Variants in DNM3 observed in about 807,000 individuals in gnomAD.
DNM3 encodes the protein dynamin-3.
Under a neutral mutation model 101.6 loss-of-function variants are expected in DNM3, and 47 were observed. The observed-to-expected ratio is 0.46, with a 90% CI of 0.37 to 0.59. The LOEUF is 0.59. Ranked by LOEUF, DNM3 falls within the 20% of genes least tolerant of loss-of-function variation. The probability of loss-of-function intolerance (pLI) is 0.00; values close to 1 mark genes in which losing one functional copy is unlikely to be tolerated. For missense variants in DNM3, 849 were observed against 1,085.7 expected (o/e 0.78, Z 3.06); for synonymous variants, 385 against 387.9 (o/e 0.99, Z 0.09).
At chr1:172,304,042 A>C (rs1246226888) in intron 15 of DNM3, among the ~76,000 whole-genome samples, 2 of 151,826 alleles carry the variant, frequency 1.3e-5, no homozygotes, top group African/African-American at 4.9e-5. Flanking sequence ...TTAACCTTAA[A>C]TGTAAATGGG....
intron 1 of DNM3, among the ~76,000 whole-genome samples, chr1:171,874,199 A>G (rs2125097286): frequency 6.6e-6 from 1 of 152,316 alleles, no homozygotes; most frequent in South Asian, 2.1e-4. Context: ...AATTTCTCAG[A>G]TATTAAAATG....
At chr1:171,900,917 G>A (rs996073585) in intron 1 of DNM3, among the ~76,000 whole-genome samples, 7 of 150,938 alleles carry the variant, frequency 4.6e-5, no homozygotes, top group African/African-American at 1.7e-4. Flanking sequence ...GACCATCCTG[G>A]CCAACACGGT....
At position 171,875,042 on chromosome 1, in the gene DNM3, A is replaced by G. The variant is rs182926846; in HGVS notation, c.161+33225A>G. ...GCATAGTATTCCATGGTGTGTAGCT[A>G]TCATGTTTTCTTTATCCAATTTACT... is the stretch of plus-strand genomic sequence containing the variant. On this transcript the variant is annotated intron_variant, in intron 1 of 20. Coordinates refer to ENST00000627582, the MANE Select transcript of DNM3 (RefSeq NM_015569.5). 6.6e-4 allele frequency among the ~76,000 whole-genome samples: 101 copies of G among 152,148 alleles called. No individual in the cohort carries two copies. The Middle Eastern group carries it at 0.017, about 26-fold the overall frequency.
At chr1:172,143,629 T>A (rs1160168853) in intron 14 of DNM3, among the ~76,000 whole-genome samples, 1 of 152,156 alleles carries the variant, frequency 6.6e-6, no homozygotes, top group East Asian at 1.9e-4. Context: ...CAAAGTGCCT[T>A]ATTTTAAATG....
At chr1:172,289,263 C>A (rs1229327229) in intron 15 of DNM3, among the ~76,000 whole-genome samples, 1 of 151,982 alleles carries the variant, frequency 6.6e-6, no homozygotes, top group East Asian at 1.9e-4. Flanking sequence ...CTCTCTGAAG[C>A]CAGAACTATT....
At chr1:172,226,340 C>T (rs1210938322) in intron 14 of DNM3, among the ~76,000 whole-genome samples, 3 of 152,150 alleles carry the variant, frequency 2.0e-5, no homozygotes, top group African/African-American at 7.2e-5. Context: ...AAACTGTAAA[C>T]ATAGATACTT....
At chr1:172,092,383 T>G (rs1469190040) in intron 12 of DNM3, among the ~76,000 whole-genome samples, 2 of 152,176 alleles carry the variant, frequency 1.3e-5, no homozygotes, top group Admixed American at 6.5e-5. Context: ...GTCACTTAGC[T>G]TCTCTCCTCA....
At chr1:172,269,704 T>A (rs900912867) in intron 15 of DNM3, among the ~76,000 whole-genome samples, 2 of 152,190 alleles carry the variant, frequency 1.3e-5, no homozygotes, top group Non-Finnish European at 2.9e-5. Flanking sequence ...TGGTTACTTA[T>A]GTTAAGGATG....
chr1:172,296,108 A>G (rs1254520231), intron 15 of DNM3, among the ~76,000 whole-genome samples: 2 of 152,234 alleles, frequency 1.3e-5, no homozygotes, highest in Non-Finnish European at 2.9e-5. Flanking sequence ...ATTTATGCGT[A>G]TGAGATTCAT....
intron 17 of DNM3, among the ~76,000 whole-genome samples, chr1:172,329,494 A>G (rs1270210833): frequency 1.3e-5 from 2 of 152,156 alleles, no homozygotes; most frequent in African/African-American, 4.8e-5. Flanking sequence ...TATTTGTTTA[A>G]TGGAAGTCAA....
intron 11 of DNM3, among the ~76,000 whole-genome samples, chr1:172,077,871 CGTT>C (rs1444185449): frequency 6.6e-6 from 1 of 152,094 alleles, no homozygotes; most frequent in Non-Finnish European, 1.5e-5. Context: ...CCTTCTGTCT[CGTT>C]GATCTGTCTA....
intron 2 of DNM3, among the ~76,000 whole-genome samples, chr1:171,972,352 G>A (rs1045741598): frequency 4.6e-5 from 7 of 152,170 alleles, no homozygotes; most frequent in African/African-American, 1.2e-4. Context: ...GCAAAATCAC[G>A]TAAGTAGTAC....
chr1:172,019,471 C>T (rs544642476), intron 4 of DNM3, among the ~76,000 whole-genome samples: 1 of 150,632 alleles, frequency 6.6e-6, no homozygotes, highest in East Asian at 2.0e-4. Context: ...TTTTGGGGGG[C>T]ATTTATCCCA....
At chr1:171,848,026 C>CT (rs957941466) in intron 1 of DNM3, among the ~76,000 whole-genome samples, 8 of 151,844 alleles carry the variant, frequency 5.3e-5, no homozygotes, top group African/African-American at 1.9e-4. Context: ...TTGATTTTCT[C>CT]TAACTTCCTG....
intron 1 of DNM3, among the ~76,000 whole-genome samples, chr1:171,920,917 C>T (rs1361413945): frequency 6.6e-6 from 1 of 152,086 alleles, no homozygotes; most frequent in South Asian, 2.1e-4. Flanking sequence ...TCTACTTGAT[C>T]CCACATTTTA....
chr1:172,182,816 A>T (rs1369663592), intron 14 of DNM3, among the ~76,000 whole-genome samples: 1 of 152,144 alleles, frequency 6.6e-6, no homozygotes, highest in Non-Finnish European at 1.5e-5. Context: ...CCATTGCAGG[A>T]AGGCTTAAGG....
intron 2 of DNM3, among the ~76,000 whole-genome samples, chr1:171,953,101 G>A (rs1348705076): frequency 1.3e-5 from 2 of 152,108 alleles, no homozygotes; most frequent in Non-Finnish European, 2.9e-5. Flanking sequence ...AATAAAAATT[G>A]CCATATAAGA....
In DNM3 at chr1:172,285,863, A is replaced by G. The variant is rs563586012; in HGVS notation, c.1770-22865A>G. Among the ~76,000 whole-genome samples the G allele has an allele frequency of 1.2e-4, 18 of 152,072 alleles. No homozygotes were observed. The East Asian group carries it at 1.5e-3, about 13-fold the overall frequency. On this transcript the variant is annotated intron_variant, in intron 15 of 20. Coordinates refer to ENST00000627582, the MANE Select transcript of DNM3 (RefSeq NM_015569.5). ...TGATAAACTAACACAGACAGCCCCAACGCAGTCCCAGGCTCTTAGAGCTCG... is the reference window on the plus strand; with the variant it reads ...TGATAAACTAACACAGACAGCCCCAGCGCAGTCCCAGGCTCTTAGAGCTCG...
At chr1:172,357,150 A>T (rs1234106229) in intron 17 of DNM3, among the ~76,000 whole-genome samples, 1 of 152,124 alleles carries the variant, frequency 6.6e-6, no homozygotes, top group Admixed American at 6.6e-5. Context: ...ATCAAAATTT[A>T]AAAATCACCA....
Sources: allele counts gnomAD v4.1 joint callset (sites outside exome capture counted in the v4.1 genomes callset), GRCh38; gene constraint gnomAD v4.1.1; transcripts MANE v1.5; gene names NCBI Gene and HGNC (gene_info 2026-07-23, HGNC 2026-07-21).